WFS1: variants seen among roughly 807,000 people sequenced by gnomAD.
WFS1 encodes wolframin.
Under a neutral mutation model 68.5 loss-of-function variants are expected in WFS1, and 90 were observed. The ratio of observed to expected loss-of-function variants is 1.31; its 90% confidence interval spans 1.11 to 1.56. The LOEUF is 1.56. Among genes scored for constraint, WFS1 ranks in the 40% most tolerant of loss-of-function variants. WFS1 has a pLI of 0.00. For missense variants in WFS1, 1,767 were observed against 1,232.6 expected (o/e 1.43, Z -6.49); for synonymous variants, 860 against 540.7 (o/e 1.59, Z -8.19).
At chr4:6,295,251 C>T (rs1730603455) in intron 7 of WFS1, 62 bp downstream of exon 7, 1 of 1,601,808 alleles carries the variant, frequency 6.2e-7, no homozygotes, top group Non-Finnish European at 8.5e-7. Flanking sequence ...GCACCTCAGG[C>T]AGGGCACCTT....
At chr4:6,288,235 AT>A (rs1452492467) in intron 3 of WFS1, among the ~76,000 whole-genome samples, 50 of 150,438 alleles carry the variant, frequency 3.3e-4, no homozygotes, top group African/African-American at 1.2e-3. Context: ...AAAAAAAAAA[AT>A]TTCTTTCCTG....
chr4:6,279,684 G>A (rs958326471), intron 2 of WFS1, among the ~76,000 whole-genome samples: 5 of 152,174 alleles, frequency 3.3e-5, no homozygotes, highest in Admixed American at 2.0e-4. Flanking sequence ...TACATTCTGG[G>A]GCTCATGTAG....
chr4:6,301,688 C>T lies in WFS1; in HGVS notation c.1893C>T (p.Ser631=), dbSNP rs773312242. 121 of 1,614,106 alleles carry T rather than the reference C, an allele frequency of 7.5e-5. No individual in the cohort carries two copies. Among genetic ancestry groups the T allele is most frequent in the Non-Finnish European group, 8.2e-5 (97 of 1,180,048 alleles). ...VGMVKSLTRS[S]MVKLILVWLT... ...TGGTGAAGTCCCTGACGCGGAGCTCCATGGTCAAGCTCATCCTGGTGTGGC... is the reference window on the plus strand; with the variant it reads ...TGGTGAAGTCCCTGACGCGGAGCTCTATGGTCAAGCTCATCCTGGTGTGGC... Residue 631 remains serine, a synonymous_variant, in exon 8 of 8, where the codon TCC becomes TCT. Coordinates refer to ENST00000226760, the MANE Select transcript of WFS1 (RefSeq NM_006005.3).
At chr4:6,297,892 G>A (rs750296371) in intron 7 of WFS1, among the ~76,000 whole-genome samples, 10 of 152,128 alleles carry the variant, frequency 6.6e-5, no homozygotes, top group African/African-American at 1.9e-4. Context: ...AAAGGGGATC[G>A]TTCCCTGGTC....
intron 2 of WFS1, 36 bp downstream of exon 2, chr4:6,277,723 G>A: frequency 1.3e-6 from 2 of 1,547,902 alleles, no homozygotes; most frequent in Non-Finnish European, 1.7e-6. Flanking sequence ...GGCTGGGGAT[G>A]TTCAGGGATA....
chr4:6,300,183 C>A (rs28716718), intron 7 of WFS1, among the ~76,000 whole-genome samples: 1 of 152,082 alleles, frequency 6.6e-6, no homozygotes, highest in Non-Finnish European at 1.5e-5. Context: ...TTCTCCTCCT[C>A]GTAAGGATCG....
At chr4:6,273,696 A>G (rs2109105395) in intron 1 of WFS1, among the ~76,000 whole-genome samples, 1 of 152,340 alleles carries the variant, frequency 6.6e-6, no homozygotes, top group African/African-American at 2.4e-5. Flanking sequence ...CAGAGAGGGA[A>G]GGACCAGACA....
chr4:6,301,325 C>G lies in WFS1; in HGVS notation c.1530C>G (p.Tyr510Ter). Residue 510 changes from tyrosine to a stop codon, truncating the protein, a stop_gained, in exon 8 of 8, where the codon TAC (tyrosine) becomes TAG (stop). Coordinates refer to ENST00000226760, the MANE Select transcript of WFS1 (RefSeq NM_006005.3). LOFTEE classifies it high-confidence loss of function. The stretch of plus-strand genomic sequence containing the variant: ...GCGTCCCGTGCCTGCTCTATGTCTA[C>G]CTGCTCTATCTCTTCTTCCGCATGG... ...NVSVPCLLYV[Y>*]LLYLFFRMAQ... is the part of the protein sequence containing the mutation. The G allele has an allele frequency of 6.2e-7, 1 of 1,611,908 alleles. No homozygotes were observed. Among genetic ancestry groups the G allele is most frequent in the Non-Finnish European group, 8.5e-7 (1 of 1,179,990 alleles).
intron 1 of WFS1, among the ~76,000 whole-genome samples, chr4:6,271,261 CT>C (rs1578580638): frequency 6.7e-6 from 1 of 149,798 alleles, no homozygotes; most frequent in East Asian, 1.9e-4. Flanking sequence ...ATTTCAGCCT[CT>C]TTTCCCTACC....
intron 3 of WFS1, 51 bp from the exon 4 acceptor site, chr4:6,288,936 G>T (rs747139326): frequency 6.3e-7 from 1 of 1,592,164 alleles, no homozygotes; most frequent in Admixed American, 1.8e-5. Context: ...AGGGAGCATG[G>T]GGTGGGAGAG....
rs769717301 is a variant in WFS1 at position 6,302,605 on chromosome 4, T to G, written c.*137T>G. The G allele has an allele frequency of 3.9e-6, 5 of 1,292,904 alleles. No individual in the cohort carries two copies. The South Asian group carries it at 4.2e-5, about 11-fold the overall frequency. 80.1% of individuals were successfully genotyped at this position (1,292,904 alleles called of 1,614,324 possible). A position where few individuals can be genotyped will look rare whatever the true frequency, so the allele number is the denominator to read the frequency against. Reference sequence around the variant, plus strand: ...TGTGGCTGCAGAGACCTTGCGACCATGTGTAGATTGCGTGGACCCCGACAA... The same window carrying G: ...TGTGGCTGCAGAGACCTTGCGACCAGGTGTAGATTGCGTGGACCCCGACAA... On this transcript the variant is annotated 3_prime_UTR_variant, in exon 8 of 8. Coordinates refer to ENST00000226760, the MANE Select transcript of WFS1 (RefSeq NM_006005.3).
rs567243928 is a variant in WFS1 at position 6,275,830 on chromosome 4, C to A, written c.-5-1621C>A. ...AGTCACAGCTGCCCCCAAAAGTGAC[C>A]TCTGGGCACCTACTCAGACCTGGCT... On this transcript the variant is annotated intron_variant, in intron 1 of 7. Transcript: ENST00000226760. Among the ~76,000 whole-genome samples, 16 of 152,320 alleles carry A rather than the reference C, an allele frequency of 1.1e-4. No individual in the cohort carries two copies. In the East Asian group the frequency reaches 2.9e-3, roughly 28 times the overall value.
Position 6,287,007 on chromosome 4 carries a change from A to C in WFS1, c.233-86A>C, listed in dbSNP as rs979057791. 1 of 1,199,298 alleles carries C rather than the reference A, an allele frequency of 8.3e-7. No individual in the cohort carries two copies. Among genetic ancestry groups the C allele is most frequent in the Non-Finnish European group, 1.2e-6 (1 of 826,366 alleles). 74.3% of individuals were successfully genotyped at this position (1,199,298 alleles called of 1,614,324 possible). A position where few individuals can be genotyped will look rare whatever the true frequency, so the allele number is the denominator to read the frequency against. The stretch of plus-strand genomic sequence containing the variant: ...AAAGTGACAAGCAGCAGCAGATCTG[A>C]AGACCCTCATGCCTTGTCCCCTCCA... On this transcript the variant is annotated intron_variant, in intron 2 of 7. Transcript: ENST00000226760. This position sits in a 1 kb window ranked among gnomAD's most constrained non-coding sequence, Gnocchi z 6.4.
intron 1 of WFS1, 79 bp downstream of exon 1, chr4:6,270,093 G>A (rs1253641440): frequency 6.8e-6 from 1 of 146,912 alleles, no homozygotes; most frequent in Non-Finnish European, 1.5e-5. Flanking sequence ...CTGAGGCACT[G>A]TCCTCTTCGG....
chr4:6,285,198 G>A (rs987168349), intron 2 of WFS1, among the ~76,000 whole-genome samples: 4 of 151,884 alleles, frequency 2.6e-5, no homozygotes, highest in African/African-American at 4.8e-5. Context: ...TACGTCCAGG[G>A]AGAGGGGCGT....
chr4:6,300,754 C>T lies in WFS1; in HGVS notation c.959C>T (p.Pro320Leu). Reference protein sequence around the residue: ...AGMHWLSTIIPTHHINALIFF... With the variant: ...AGMHWLSTIILTHHINALIFF... The stretch of plus-strand genomic sequence containing the variant: ...ATGCACTGGCTGTCCACCATCATCC[C>T]CACGCACCACATCAACGCGCTCATC... The change falls in exon 8 of 8, where the codon CCC becomes CTC. Residue 320 changes from proline (P) to leucine (L), a missense_variant. Pro to Leu is a moderately conservative substitution (Grantham distance 98, BLOSUM62 -3). Coordinates refer to ENST00000226760, the MANE Select transcript of WFS1 (RefSeq NM_006005.3). 1.9e-6 allele frequency: 3 copies of T among 1,614,062 alleles called. No individual in the cohort carries two copies. The highest frequency in any genetic ancestry group is 2.5e-6 in the Non-Finnish European group (3 of 1,180,006).
chr4:6,274,254 A>G (rs1054552756), intron 1 of WFS1, among the ~76,000 whole-genome samples: 12 of 151,702 alleles, frequency 7.9e-5, no homozygotes, highest in East Asian at 3.9e-4. Flanking sequence ...TCACTGTGTT[A>G]GCCAGGATGG....
In WFS1 at chr4:6,299,653, ATG is replaced by A. The variant is rs1281207170; in HGVS notation, c.862-996_862-995del. ...GTAGGGGTGGGTTGCGTGTGTGTGAATGTGTGTGTAGGGGTGGGTTGTTTGCG... is the reference window on the plus strand; with the variant it reads ...GTAGGGGTGGGTTGCGTGTGTGTGAATGTGTGTAGGGGTGGGTTGTTTGCG... On this transcript the variant is annotated intron_variant, in intron 7 of 7. Transcript: ENST00000226760. Among the ~76,000 whole-genome samples, 13 of 41,144 alleles carry A rather than the reference ATG, an allele frequency of 3.2e-4. 1 individual carries two copies. The highest frequency in any genetic ancestry group is 4.2e-4 in the Non-Finnish European group (10 of 23,658). The allele number at this position is 41,144 out of a possible 152,430, so 27.0% of individuals were successfully genotyped here.
rs1731001664 is a variant in WFS1, at chr4:6,302,690, G to A, written c.*222G>A. 4.5e-6 allele frequency: 3 copies of A among 665,590 alleles called. No homozygotes were observed. The highest frequency in any genetic ancestry group is 5.6e-5 in the East Asian group (2 of 36,026). 41.2% of individuals were successfully genotyped at this position (665,590 alleles called of 1,614,324 possible). A position where few individuals can be genotyped will look rare whatever the true frequency, so the allele number is the denominator to read the frequency against. On this transcript the variant is annotated 3_prime_UTR_variant, in exon 8 of 8. Coordinates refer to ENST00000226760, the MANE Select transcript of WFS1 (RefSeq NM_006005.3). ...ATACCAAGTGTGTTGGGAATTGCAT[G>A]CCATCTCCACCCTGAGCCTGACCTT...
Sources: allele counts gnomAD v4.1 joint callset (sites outside exome capture counted in the v4.1 genomes callset), GRCh38; gene constraint gnomAD v4.1.1; non-coding constraint Gnocchi (gnomAD v3.1); transcripts MANE v1.5; gene names NCBI Gene and HGNC (gene_info 2026-07-23, HGNC 2026-07-21).